ALDH1L1: variants seen among roughly 807,000 people sequenced by gnomAD.
ALDH1L1 encodes aldehyde dehydrogenase 1 family member L1.
A neutral mutation model predicts 101.1 loss-of-function variants in ALDH1L1; 68 were observed. The observed-to-expected ratio is 0.67, with a 90% confidence interval of 0.55 to 0.82. The LOEUF is 0.82. Among genes scored for constraint, ALDH1L1 ranks in the 40% least tolerant of loss-of-function variants. The probability of loss-of-function intolerance (pLI) is 0.00; values close to 1 mark genes in which losing one functional copy is unlikely to be tolerated. For synonymous variants in ALDH1L1, 486 were observed against 470.8 expected, an observed-to-expected ratio of 1.03 and a Z score of -0.42; for missense variants, 1,087 against 1,172.7, an observed-to-expected ratio of 0.93 and a Z score of 1.07.
chr3:126,187,396 C>T (rs1266792661), intron 1 of ALDH1L1, among the ~76,000 whole-genome samples: 1 of 152,060 alleles, frequency 6.6e-6, no homozygotes. Context: ...ACCCATGGTT[C>T]ATGTTGGTAC....
At chr3:126,180,646 G>T, upstream of ALDH1L1, 1 of 1,315,830 alleles carries the variant, frequency 7.6e-7, no homozygotes, top group Non-Finnish European at 9.7e-7. Context: ...GGCGCGGGGC[G>T]GGCGGAGAGT....
chr3:126,132,203 G>A (rs1341938612), intron 12 of ALDH1L1, among the ~76,000 whole-genome samples: 1 of 152,232 alleles, frequency 6.6e-6, no homozygotes, highest in Non-Finnish European at 1.5e-5. Flanking sequence ...GGTGGACAGG[G>A]AAAGTGGAGA....
intron 13 of ALDH1L1, 27 bp downstream of exon 13, chr3:126,131,357 C>A (rs745535830): frequency 6.4e-7 from 1 of 1,567,106 alleles, no homozygotes. Flanking sequence ...TGCATGTGCT[C>A]ACACTGGGTG....
At chr3:126,184,783 A>T (rs1275691126), upstream of ALDH1L1, among the ~76,000 whole-genome samples, 1 of 152,166 alleles carries the variant, frequency 6.6e-6, no homozygotes, top group Non-Finnish European at 1.5e-5. Flanking sequence ...AGTAACTGGG[A>T]CTGTGTGTAC....
intron 16 of ALDH1L1, among the ~76,000 whole-genome samples, chr3:126,122,521 A>G (rs144061491): frequency 1.3e-5 from 2 of 152,370 alleles, no homozygotes; most frequent in South Asian, 2.1e-4. Context: ...TGTGAGTCAG[A>G]TAACATATAA....
chr3:126,145,786 T>C lies in ALDH1L1; in HGVS notation c.1076+1049A>G, dbSNP rs539519914. Among the ~76,000 whole-genome samples, 14 of 152,358 alleles carry C rather than the reference T, an allele frequency of 9.2e-5. No individual in the cohort carries two copies. The East Asian group carries it at 2.3e-3, about 25-fold the overall frequency. ...GCTCATAGTTAACAATCCTACAATA[T>C]ACAGCTATAATTTTAAGAAGGTAGA... On this transcript the variant is annotated intron_variant, in intron 9 of 22. Coordinates refer to ENST00000393434, the MANE Select transcript of ALDH1L1 (RefSeq NM_012190.4).
chr3:126,118,860 C>T (rs564077562), intron 16 of ALDH1L1, among the ~76,000 whole-genome samples: 13 of 152,252 alleles, frequency 8.5e-5, no homozygotes, highest in East Asian at 3.9e-4. Flanking sequence ...CCCCGTCCCA[C>T]GCCCCCAGCC....
chr3:126,115,564 G>GTT (rs137996522), intron 17 of ALDH1L1: 7 of 150,914 alleles, frequency 4.6e-5, no homozygotes, highest in African/African-American at 1.7e-4. Context: ...AGTTTTGTTT[G>GTT]TTTGTTTTGT....
intron 8 of ALDH1L1, among the ~76,000 whole-genome samples, chr3:126,147,915 T>C (rs536479447): frequency 1.3e-4 from 20 of 152,270 alleles, no homozygotes; most frequent in Non-Finnish European, 2.4e-4. Context: ...AGGTCTCTGC[T>C]AGGCTCTCAC....
At chr3:126,138,328 T>C (rs1413911972) in intron 9 of ALDH1L1, among the ~76,000 whole-genome samples, 1 of 152,160 alleles carries the variant, frequency 6.6e-6, no homozygotes, top group East Asian at 1.9e-4. Flanking sequence ...AAAATCTCTG[T>C]TAAAAGAATG....
intron 12 of ALDH1L1, 91 bp downstream of exon 12, chr3:126,135,444 C>A (rs1243761248): frequency 6.5e-7 from 1 of 1,542,588 alleles, no homozygotes; most frequent in Non-Finnish European, 8.7e-7. Context: ...CTCCTCCTGG[C>A]AGGTAAAAGG....
At chr3:126,133,982 G>A (rs777430055) in intron 12 of ALDH1L1, among the ~76,000 whole-genome samples, 38 of 152,202 alleles carry the variant, frequency 2.5e-4, no homozygotes, top group South Asian at 4.1e-4. Flanking sequence ...GGACTGCCTA[G>A]GAACCTTGTC....
rs543674276 is a variant in ALDH1L1 at position 126,139,793 on chromosome 3, A to C, written c.1077-1833T>G. Among the ~76,000 whole-genome samples, 29 of 152,308 alleles carry C rather than the reference A, an allele frequency of 1.9e-4. No individual in the cohort carries two copies. The South Asian group carries it at 6.0e-3, about 32-fold the overall frequency. Reference sequence around the variant, plus strand: ...CTGAAACAAACAAAAAACTCACTAAAGAGGTTCAACAGTAGTTTTGAGCAG... The same window carrying C: ...CTGAAACAAACAAAAAACTCACTAACGAGGTTCAACAGTAGTTTTGAGCAG... On this transcript the variant is annotated intron_variant, in intron 9 of 22. Transcript: ENST00000393434.
At position 126,107,137 on chromosome 3, in the gene ALDH1L1, C is replaced by A; in HGVS notation, c.2453+4G>T. ...GCCCTTGAGACATCAGCAGGATTCC[C>A]TACCCATCAGCAAACCGAGAGATGA... is the stretch of plus-strand genomic sequence containing the variant. On this transcript the variant is annotated splice_donor_region_variant and intron_variant, in intron 21 of 22. Coordinates refer to ENST00000393434, the MANE Select transcript of ALDH1L1 (RefSeq NM_012190.4). The A allele has an allele frequency of 6.2e-7, 1 of 1,613,458 alleles. No homozygotes were observed. The highest frequency in any genetic ancestry group is 1.1e-5 in the South Asian group (1 of 91,048).
At chr3:126,152,930 C>T (rs16837171) in intron 7 of ALDH1L1, 13,623 of 231,774 alleles carry the variant, frequency 0.059, 527 homozygotes, top group Admixed American at 0.099. Context: ...ATAAAAGGTG[C>T]TCCATCAGTG....
chr3:126,143,943 A>G (rs2080620732), intron 9 of ALDH1L1, among the ~76,000 whole-genome samples: 1 of 152,248 alleles, frequency 6.6e-6, no homozygotes, highest in Admixed American at 6.5e-5. Context: ...CCATGTCTAA[A>G]AAACAGAAAA....
chr3:126,170,124 G>A (rs565649032), intron 1 of ALDH1L1, among the ~76,000 whole-genome samples: 5 of 152,084 alleles, frequency 3.3e-5, no homozygotes, highest in South Asian at 4.1e-4. Flanking sequence ...AGTAAAAATT[G>A]CTCATCTTAC....
chr3:126,136,049 G>A (rs1251082022), intron 11 of ALDH1L1, among the ~76,000 whole-genome samples: 7 of 152,174 alleles, frequency 4.6e-5, no homozygotes, highest in Non-Finnish European at 8.8e-5. Flanking sequence ...TGCCCCTTCT[G>A]CCAAGGCCCC....
Position 126,151,508 on chromosome 3 carries a change from G to A in ALDH1L1, c.859-977C>T, listed in dbSNP as rs1390334310. ...TCAGATTTACTGTATTTAATAAGATGTTTGAATTGTTTGGGGCCTGCTTGT... is the reference window on the plus strand; with the variant it reads ...TCAGATTTACTGTATTTAATAAGATATTTGAATTGTTTGGGGCCTGCTTGT... On this transcript the variant is annotated intron_variant, in intron 7 of 22. Transcript: ENST00000393434. 5 of 152,168 alleles carry A rather than the reference G, an allele frequency of 3.3e-5. No homozygotes were observed. In the East Asian group the frequency reaches 7.7e-4, roughly 24 times the overall value. The allele number at this position is 152,168 out of a possible 1,614,324, so 9.4% of individuals were successfully genotyped here. A position where few individuals can be genotyped will look rare whatever the true frequency, so the allele number is the denominator to read the frequency against.
Sources: allele counts gnomAD v4.1 joint callset (sites outside exome capture counted in the v4.1 genomes callset), GRCh38; gene constraint gnomAD v4.1.1; transcripts MANE v1.5; gene names NCBI Gene and HGNC (gene_info 2026-07-23, HGNC 2026-07-21).